The following GRHL2 variants were observed in gnomAD, a reference collection of about 807,000 sequenced individuals.
GRHL2 encodes the protein grainyhead like transcription factor 2.
In GRHL2, 21 loss-of-function variants were observed where a neutral mutation model predicts 83.8. The observed-to-expected ratio is 0.25, with a 90% confidence interval of 0.18 to 0.36. The LOEUF (loss-of-function observed/expected upper bound fraction) is 0.36. Among genes scored for constraint, GRHL2 ranks in the 10% least tolerant of loss-of-function variants. GRHL2 has a pLI of 1.00. For missense variants in GRHL2, 623 were observed against 781.8 expected (o/e 0.80, Z 2.42); for synonymous variants, 280 against 278.9 (o/e 1.00, Z -0.04).
intron 7 of GRHL2, among the ~76,000 whole-genome samples, chr8:101,597,780 T>G (rs1300228095): frequency 6.6e-6 from 1 of 151,322 alleles, no homozygotes; most frequent in African/African-American, 2.4e-5. Flanking sequence ...TGTATACATA[T>G]GTAACAAACC....
chr8:101,538,801 G>A (rs1235002887), intron 1 of GRHL2, among the ~76,000 whole-genome samples: 3 of 152,186 alleles, frequency 2.0e-5, no homozygotes, highest in Admixed American at 6.5e-5. Context: ...CAACAGTGCT[G>A]TGTACCAGAG....
intron 1 of GRHL2, among the ~76,000 whole-genome samples, chr8:101,504,794 G>C (rs1047258715): frequency 2.6e-5 from 4 of 152,162 alleles, no homozygotes; most frequent in African/African-American, 7.2e-5. Flanking sequence ...TTAAGCTGCA[G>C]GAGATTGCAT....
At chr8:101,596,723 TAGG>T (rs1320381382) in intron 7 of GRHL2, among the ~76,000 whole-genome samples, 2 of 152,202 alleles carry the variant, frequency 1.3e-5, no homozygotes, top group Non-Finnish European at 2.9e-5. Context: ...GAGAGAAAGA[TAGG>T]AAGGATGAAG....
At chr8:101,604,019 CAAA>C (rs541635465) in intron 8 of GRHL2, among the ~76,000 whole-genome samples, 5 of 91,792 alleles carry the variant, frequency 5.4e-5, no homozygotes, top group African/African-American at 1.2e-4. Flanking sequence ...TTTTTTTTTG[CAAA>C]AAAAAAAAAA....
intron 11 of GRHL2, among the ~76,000 whole-genome samples, chr8:101,634,625 A>T (rs897756215): frequency 6.6e-6 from 1 of 152,204 alleles, no homozygotes; most frequent in Non-Finnish European, 1.5e-5. Flanking sequence ...ACTTGCTAAA[A>T]TTAGCTGCAA....
At chr8:101,615,903 T>G (rs1257363877) in intron 8 of GRHL2, among the ~76,000 whole-genome samples, 2 of 152,182 alleles carry the variant, frequency 1.3e-5, no homozygotes, top group Non-Finnish European at 2.9e-5. Flanking sequence ...TTCTCTGCCA[T>G]TAGGGCTTCT....
chr8:101,644,485 C>CA (rs781306443), intron 13 of GRHL2, among the ~76,000 whole-genome samples: 2 of 152,234 alleles, frequency 1.3e-5, no homozygotes, highest in Admixed American at 6.5e-5. Flanking sequence ...CATCCAGCAG[C>CA]AAGGTACAAG....
rs1328877496 is a variant in GRHL2, at chr8:101,543,158, G to A, written c.21-83G>A. The A allele has an allele frequency of 6.0e-6, 6 of 996,660 alleles. No individual in the cohort carries two copies. In the African/African-American group the frequency reaches 8.0e-5, roughly 13 times the overall value. The allele number at this position is 996,660 out of a possible 1,614,324, so 61.7% of individuals were successfully genotyped here. ...TCTGGGGAAATAAAAATTAATGTTT[G>A]TAGTCATGTAATATGTATATTATTA... On this transcript the variant is annotated intron_variant, in intron 1 of 15. Coordinates refer to ENST00000646743, the MANE Select transcript of GRHL2 (RefSeq NM_024915.4).
downstream of GRHL2, among the ~76,000 whole-genome samples, chr8:101,671,105 C>T (rs112175940): frequency 0.034 from 5,173 of 152,232 alleles, 115 homozygotes; most frequent in Middle Eastern, 0.14. Flanking sequence ...ATGCAGACGA[C>T]GGTTGATTTC....
At chr8:101,672,466 G>A (rs936330684), downstream of GRHL2, among the ~76,000 whole-genome samples, 3 of 151,612 alleles carry the variant, frequency 2.0e-5, no homozygotes, top group Admixed American at 6.6e-5. Flanking sequence ...AATGGAAGAT[G>A]AAATGAATGA....
In GRHL2 at chr8:101,535,274, A is replaced by G. The variant is rs77490861; in HGVS notation, c.21-7967A>G. On this transcript the variant is annotated intron_variant, in intron 1 of 15. Coordinates refer to ENST00000646743, the MANE Select transcript of GRHL2 (RefSeq NM_024915.4). ...GCCAGTCTGAGTGTGTAGGTGTGTT[A>G]ATTTACTCAGGGAGATGTGTGTGTG... Among the ~76,000 whole-genome samples, 5 of 152,268 alleles carry G rather than the reference A, an allele frequency of 3.3e-5. No homozygotes were observed. The East Asian group carries it at 9.6e-4, about 29-fold the overall frequency.
intron 7 of GRHL2, among the ~76,000 whole-genome samples, chr8:101,585,014 G>A (rs1812135427): frequency 6.6e-6 from 1 of 152,184 alleles, no homozygotes; most frequent in African/African-American, 2.4e-5. Flanking sequence ...CAGGTAGCCA[G>A]GTGGTCAGGT....
intron 1 of GRHL2, among the ~76,000 whole-genome samples, chr8:101,540,887 T>C (rs1402189124): frequency 6.6e-6 from 1 of 152,138 alleles, no homozygotes; most frequent in Non-Finnish European, 1.5e-5. Context: ...GTGGATGCAT[T>C]GTATAGTGAT....
intron 1 of GRHL2, among the ~76,000 whole-genome samples, chr8:101,540,946 C>T (rs1282242758): frequency 6.6e-6 from 1 of 151,934 alleles, no homozygotes; most frequent in Non-Finnish European, 1.5e-5. Flanking sequence ...GTACATTGTA[C>T]CAATGTTTAT....
rs1224267534 is a variant in GRHL2 at position 101,558,488 on chromosome 8, G to A, written c.354G>A (p.Lys118=). 5.0e-6 allele frequency: 8 copies of A among 1,614,182 alleles called. No individual in the cohort carries two copies. The highest frequency in any genetic ancestry group is 4.0e-5 in the African/African-American group (3 of 75,046). Residue 118 remains lysine, a synonymous_variant, in exon 4 of 16, where the codon AAG becomes AAA. Coordinates refer to ENST00000646743, the MANE Select transcript of GRHL2 (RefSeq NM_024915.4). Reference sequence around the variant, plus strand: ...GAGAAAACCGAGTGCAAGTCCTAAAGACTGTTCCAGTGAACCTTTCCCTAA... The same window carrying A: ...GAGAAAACCGAGTGCAAGTCCTAAAAACTGTTCCAGTGAACCTTTCCCTAA... ...SGGENRVQVL[K]TVPVNLSLNQ...
At chr8:101,583,894 C>T (rs1031534394) in intron 7 of GRHL2, among the ~76,000 whole-genome samples, 2 of 152,184 alleles carry the variant, frequency 1.3e-5, no homozygotes, top group South Asian at 2.1e-4. Flanking sequence ...ATAACTTCTC[C>T]CTACAGAAGA....
chr8:101,643,982 C>T, intron 12 of GRHL2, 149 bp from the exon 13 acceptor site: 1 of 710,438 alleles, frequency 1.4e-6, no homozygotes, highest in Non-Finnish European at 2.5e-6. Context: ...TTGGGACCTG[C>T]AAGGGGAAGA....
At chr8:101,537,206 A>G (rs1749971501) in intron 1 of GRHL2, among the ~76,000 whole-genome samples, 1 of 152,200 alleles carries the variant, frequency 6.6e-6, no homozygotes. Flanking sequence ...TTCCATGACA[A>G]AAGGATTCTA....
chr8:101,493,296 T>A (rs1810006332), intron 1 of GRHL2, among the ~76,000 whole-genome samples: 2 of 152,206 alleles, frequency 1.3e-5, no homozygotes, highest in Admixed American at 1.3e-4. Context: ...GGCCATCTTC[T>A]CGCACCGGGC....
Sources: gnomAD v4.1 joint callset for allele counts (sites outside exome capture counted in the v4.1 genomes callset) on GRCh38, gnomAD v4.1.1 for gene constraint, MANE v1.5 for transcripts, NCBI Gene and HGNC (gene_info 2026-07-23, HGNC 2026-07-21) for gene names.